The following SPECC1 variants were observed in gnomAD, a reference collection of about 807,000 sequenced individuals.
SPECC1 encodes the protein cytospin-B.
Under a neutral mutation model 104.1 loss-of-function variants are expected in SPECC1, and 62 were observed. The ratio of observed to expected loss-of-function variants is 0.60; its 90% CI spans 0.49 to 0.74. The LOEUF is 0.74. SPECC1 is among the 30% of genes least tolerant of loss of function. The probability of loss-of-function intolerance (pLI) is 0.00; values close to 1 mark genes in which losing one functional copy is unlikely to be tolerated. For missense variants in SPECC1, 1,306 were observed against 1,310.5 expected (o/e 1.00, Z 0.05); for synonymous variants, 513 against 501.6 (o/e 1.02, Z -0.30).
At chr17:20,207,911 T>G (rs1006985144) in intron 4 of SPECC1, among the ~76,000 whole-genome samples, 4 of 152,210 alleles carry the variant, frequency 2.6e-5, no homozygotes, top group Admixed American at 1.3e-4. Context: ...TCTACTTTTA[T>G]CTTTATTAAT....
At chr17:20,066,062 TTC>T (rs1260563747) in intron 1 of SPECC1, among the ~76,000 whole-genome samples, 2 of 152,342 alleles carry the variant, frequency 1.3e-5, no homozygotes, top group Non-Finnish European at 2.9e-5. Flanking sequence ...GATAAACAAT[TTC>T]TATCCATACC....
intron 1 of SPECC1, among the ~76,000 whole-genome samples, chr17:20,051,077 TTTCTTTCTTTCTTTCTTTC>T (rs2045735179): frequency 1.9e-5 from 1 of 52,032 alleles, no homozygotes; most frequent in South Asian, 8.8e-4. Context: ...TTTTTCTTTC[TTTCTTTCTTTCTTTCTTTC>T]TTTCTTTCTT....
chr17:20,198,482 G>A (rs1255917119), intron 3 of SPECC1, among the ~76,000 whole-genome samples: 1 of 152,140 alleles, frequency 6.6e-6, no homozygotes. Flanking sequence ...CCCCTTTTAG[G>A]GAAGAAAAAG....
In SPECC1 at chr17:20,306,094, A is replaced by G. The variant is rs763796125; in HGVS notation, c.3117+12A>G. On this transcript the variant is annotated intron_variant, in intron 14 of 14. Coordinates refer to ENST00000395527, the MANE Select transcript of SPECC1 (RefSeq NM_001243439.2). ...TCAAACCCAGCCTGGTACGTATCCT[A>G]TTTTGTATCCTTGTGATACTTTAAT... The G allele has an allele frequency of 4.3e-6, 7 of 1,611,684 alleles. No individual in the cohort carries two copies. The highest frequency in any genetic ancestry group is 2.2e-5 in the East Asian group (1 of 44,824).
At chr17:20,017,128 C>CT (rs1464404382) in intron 1 of SPECC1, 2 of 152,264 alleles carry the variant, frequency 1.3e-5, no homozygotes, top group South Asian at 2.1e-4. Flanking sequence ...TAAAAGCAGG[C>CT]TGCCCGAGCC....
intron 3 of SPECC1, among the ~76,000 whole-genome samples, chr17:20,186,630 C>T (rs1335564082): frequency 6.6e-6 from 1 of 152,208 alleles, no homozygotes; most frequent in Non-Finnish European, 1.5e-5. Context: ...GTGGTACAAT[C>T]ACAGCTTACT....
At chr17:20,156,180 G>T (rs937078304) in intron 3 of SPECC1, 4 of 1,443,726 alleles carry the variant, frequency 2.8e-6, no homozygotes, top group South Asian at 1.4e-5. Context: ...GCCGGCTGGT[G>T]CCCGAGTCGG....
intron 12 of SPECC1, among the ~76,000 whole-genome samples, chr17:20,285,478 C>A (rs1333976582): frequency 2.0e-5 from 3 of 151,968 alleles, no homozygotes; most frequent in Non-Finnish European, 4.4e-5. Context: ...TGGACTGTTA[C>A]CCTTTTATTA....
chr17:20,102,055 C>A (rs187780152), intron 2 of SPECC1, among the ~76,000 whole-genome samples: 1 of 152,242 alleles, frequency 6.6e-6, no homozygotes, highest in African/African-American at 2.4e-5. Flanking sequence ...TACTAAATAG[C>A]AAAGCAGCAC....
intron 3 of SPECC1, among the ~76,000 whole-genome samples, chr17:20,164,125 A>G (rs528245828): frequency 1.1e-4 from 16 of 151,564 alleles, no homozygotes; most frequent in Admixed American, 3.3e-4. Context: ...AGATGTTTAC[A>G]TAAGTGTTTT....
chr17:20,066,202 C>A (rs2046352220), intron 1 of SPECC1, among the ~76,000 whole-genome samples: 2 of 152,148 alleles, frequency 1.3e-5, no homozygotes, highest in Non-Finnish European at 2.9e-5. Context: ...CTCCTAGGTA[C>A]CCCTCTCTGA....
chr17:20,039,744 A>G (rs905454599), intron 1 of SPECC1, among the ~76,000 whole-genome samples: 4 of 151,924 alleles, frequency 2.6e-5, no homozygotes, highest in African/African-American at 9.7e-5. Context: ...TTTAGTAGAG[A>G]TGGGGTATTA....
chr17:20,016,523 C>T (rs2044133957), intron 1 of SPECC1, among the ~76,000 whole-genome samples: 1 of 152,170 alleles, frequency 6.6e-6, no homozygotes, highest in African/African-American at 2.4e-5. Flanking sequence ...AGCGTGAGTT[C>T]CCGGTGGGCG....
At chr17:20,035,863 C>T (rs191883745) in intron 1 of SPECC1, among the ~76,000 whole-genome samples, 10 of 151,990 alleles carry the variant, frequency 6.6e-5, no homozygotes, top group African/African-American at 2.2e-4. Context: ...GACGGAGTCT[C>T]GTTCTCTCAC....
chr17:20,247,548 G>C (rs1456056094), intron 9 of SPECC1, among the ~76,000 whole-genome samples: 3 of 152,080 alleles, frequency 2.0e-5, no homozygotes. Flanking sequence ...TTTATCTCTT[G>C]TCTGTAACAC....
chr17:20,198,585 A>T (rs2036196727), intron 3 of SPECC1, among the ~76,000 whole-genome samples: 1 of 152,216 alleles, frequency 6.6e-6, no homozygotes, highest in Admixed American at 6.5e-5. Context: ...AGAGAATAGC[A>T]GTTAACATCC....
intron 7 of SPECC1, 181 bp downstream of exon 7, chr17:20,232,586 T>C: frequency 1.4e-6 from 1 of 694,572 alleles, no homozygotes; most frequent in Non-Finnish European, 2.4e-6. Context: ...GTCCCTGCCA[T>C]GCTGCAGCAT....
intron 3 of SPECC1, among the ~76,000 whole-genome samples, chr17:20,133,847 A>G (rs1174147975): frequency 6.6e-6 from 1 of 152,166 alleles, no homozygotes; most frequent in South Asian, 2.1e-4. Context: ...ATTCCCAACC[A>G]GACCAGTCTC....
chr17:20,219,893 A>G (rs1347251195), intron 4 of SPECC1, among the ~76,000 whole-genome samples: 2 of 152,014 alleles, frequency 1.3e-5, no homozygotes, highest in Non-Finnish European at 2.9e-5. Flanking sequence ...TCTTCTGCTC[A>G]TGGATATCCA....
Sources: gnomAD v4.1 joint callset for allele counts (sites outside exome capture counted in the v4.1 genomes callset) on GRCh38, gnomAD v4.1.1 for gene constraint, MANE v1.5 for transcripts, NCBI Gene and HGNC (gene_info 2026-07-23, HGNC 2026-07-21) for gene names.